The following CLSTN1 variants were observed in gnomAD, a reference collection of about 807,000 sequenced individuals.
CLSTN1 encodes calsyntenin-1.
In CLSTN1, 28 loss-of-function variants were observed where a neutral mutation model predicts 108.3. That is an observed-to-expected ratio of 0.26 (90% confidence interval 0.19 to 0.35). The LOEUF is 0.35. Ranked by LOEUF, CLSTN1 falls within the 10% of genes least tolerant of loss-of-function variation. The pLI, the probability that CLSTN1 is intolerant of heterozygous loss-of-function variation, is 1.00. For synonymous variants in CLSTN1, 524 were observed against 534.9 expected (o/e 0.98, Z 0.28); for missense variants, 1,157 against 1,302.6 (o/e 0.89, Z 1.72).
intron 1 of CLSTN1, among the ~76,000 whole-genome samples, chr1:9,813,281 T>G (rs1352218890): frequency 6.6e-6 from 1 of 151,954 alleles, no homozygotes; most frequent in Non-Finnish European, 1.5e-5. Context: ...GTGAACTGCC[T>G]GAGCTCAGGA....
intron 7 of CLSTN1, among the ~76,000 whole-genome samples, chr1:9,748,181 T>C (rs1651373500): frequency 6.6e-6 from 1 of 152,174 alleles, no homozygotes. Context: ...CCCTTCCAAT[T>C]TATGAAGACG....
In CLSTN1 at chr1:9,792,770, C is replaced by G. The variant is rs115241335; in HGVS notation, c.92-19376G>C. ...CCCAAGGAGCTTTGGGGTCTTGGACCAAGGTGGATGGGTGCAGGGGTGGGG... is the reference window on the plus strand; with the variant it reads ...CCCAAGGAGCTTTGGGGTCTTGGACGAAGGTGGATGGGTGCAGGGGTGGGG... On this transcript the variant is annotated intron_variant, in intron 1 of 18. Transcript: ENST00000377298. 6.2e-3 allele frequency among the ~76,000 whole-genome samples: 931 copies of G among 151,284 alleles called. 20 individuals carry two copies. Among genetic ancestry groups the G allele is most frequent in the African/African-American group, 0.022 (900 of 41,468 alleles).
At chr1:9,788,248 C>G (rs777005803) in intron 1 of CLSTN1, among the ~76,000 whole-genome samples, 20 of 150,310 alleles carry the variant, frequency 1.3e-4, no homozygotes, top group Non-Finnish European at 3.0e-4. Flanking sequence ...AGAGTGAGAC[C>G]CTGTCTCAAA....
intron 1 of CLSTN1, among the ~76,000 whole-genome samples, chr1:9,811,237 T>TA (rs2101319312): frequency 6.6e-6 from 1 of 152,308 alleles, no homozygotes; most frequent in South Asian, 2.1e-4. Flanking sequence ...CAGTGGTACT[T>TA]ACTCCAATTT....
intron 1 of CLSTN1, among the ~76,000 whole-genome samples, chr1:9,785,744 C>T (rs1339598547): frequency 6.6e-6 from 1 of 152,036 alleles, no homozygotes; most frequent in Non-Finnish European, 1.5e-5. Context: ...ATCACTTGTA[C>T]ACTTTAAAAG....
chr1:9,821,396 G>C (rs903673451), intron 1 of CLSTN1, among the ~76,000 whole-genome samples: 2 of 152,230 alleles, frequency 1.3e-5, no homozygotes, highest in Admixed American at 1.3e-4. Context: ...GCCTCCCAAA[G>C]TGCTGGGATT....
chr1:9,797,958 G>A (rs2101255702), intron 1 of CLSTN1, among the ~76,000 whole-genome samples: 1 of 151,938 alleles, frequency 6.6e-6, no homozygotes, highest in Admixed American at 6.6e-5. Flanking sequence ...GCCAGGCGTG[G>A]GGGTACATGC....
chr1:9,779,637 C>T (rs558209269), intron 1 of CLSTN1, among the ~76,000 whole-genome samples: 2 of 152,178 alleles, frequency 1.3e-5, no homozygotes, highest in Admixed American at 1.3e-4. Flanking sequence ...ATGTTGCCCA[C>T]GCTGGTGTCA....
rs1486585047 is a variant in CLSTN1 at position 9,749,651 on chromosome 1, G to A, written c.800-5C>T. 2 of 1,613,340 alleles carry A rather than the reference G, an allele frequency of 1.2e-6. No individual in the cohort carries two copies. The highest frequency in any genetic ancestry group is 2.2e-5 in the East Asian group (1 of 44,896). On this transcript the variant is annotated splice_region_variant and splice_polypyrimidine_tract_variant and intron_variant, in intron 6 of 18. Coordinates refer to ENST00000377298, the MANE Select transcript of CLSTN1 (RefSeq NM_001009566.3). ...ACTCAATCCTGTTGTTCCATCCTGT[G>A]TTGGTCCACAAGTCAGCAGGGGAAG...
chr1:9,799,911 A>AG (rs1427388237), intron 1 of CLSTN1, among the ~76,000 whole-genome samples: 1 of 152,218 alleles, frequency 6.6e-6, no homozygotes, highest in Non-Finnish European at 1.5e-5. Context: ...ACTGCACTCT[A>AG]GCCTGGGTGA....
At chr1:9,808,366 C>T (rs1308594789) in intron 1 of CLSTN1, among the ~76,000 whole-genome samples, 1 of 152,192 alleles carries the variant, frequency 6.6e-6, no homozygotes, top group Admixed American at 6.5e-5. Flanking sequence ...GAATTTACTG[C>T]CAATCTACCC....
Position 9,756,513 on chromosome 1 carries a change from A to G in CLSTN1, c.215-3T>C. ...GGTGACTGTCACCTCAAAACTCTCT[A>G]AAGGGAGAAAAGATAAGCCCATGTC... On this transcript the variant is annotated splice_polypyrimidine_tract_variant and splice_region_variant and intron_variant, in intron 2 of 18. Coordinates refer to ENST00000377298, the MANE Select transcript of CLSTN1 (RefSeq NM_001009566.3). 6.2e-7 allele frequency: 1 copy of G among 1,612,082 alleles called. No homozygotes were observed. The highest frequency in any genetic ancestry group is 1.1e-5 in the South Asian group (1 of 91,016).
intron 1 of CLSTN1, among the ~76,000 whole-genome samples, chr1:9,818,421 C>A (rs886330759): frequency 6.6e-6 from 1 of 151,218 alleles, no homozygotes; most frequent in Non-Finnish European, 1.5e-5. Context: ...CTCCGCCTCC[C>A]GAGTTCAAGC....
In CLSTN1 at chr1:9,730,611, G is replaced by A. The variant is rs748076549; in HGVS notation, c.2843C>T (p.Ala948Val). The A allele has an allele frequency of 1.2e-6, 2 of 1,610,204 alleles. No homozygotes were observed. The highest frequency in any genetic ancestry group is 1.7e-6 in the Non-Finnish European group (2 of 1,179,890). The change falls in exon 19 of 19, where the codon GCC (alanine) becomes GTC (valine). Residue 948 changes from alanine (A) to valine (V), a missense_variant. Transcript: ENST00000377298. The surrounding 1 kb of genome is among the most constrained non-coding windows in gnomAD (Gnocchi z 5.6). The part of the protein sequence containing the change: ...DGEEEDDITS[A>V]ESESSEEEEG... ...CTCCTCCTCGCTGCTCTCCGACTCG[G>A]CGCTGGTGATGTCATCCTCTTCTTC...
intron 1 of CLSTN1, among the ~76,000 whole-genome samples, chr1:9,777,901 C>T (rs1653034659): frequency 6.6e-6 from 1 of 152,100 alleles, no homozygotes; most frequent in African/African-American, 2.4e-5. Flanking sequence ...GTATCTCACT[C>T]GGGCTCTGTT....
chr1:9,780,903 G>T (rs772884495), intron 1 of CLSTN1: 3 of 352,750 alleles, frequency 8.5e-6, no homozygotes, highest in Non-Finnish European at 1.5e-5. Flanking sequence ...CCATGGACAG[G>T]ATGCTGAATA....
At chr1:9,781,097 T>C (rs1429677168) in intron 1 of CLSTN1, 1 of 694,018 alleles carries the variant, frequency 1.4e-6, no homozygotes. Flanking sequence ...TTCAAGAATT[T>C]AGAATGCTGG....
At chr1:9,778,345 C>T (rs1474102379) in intron 1 of CLSTN1, among the ~76,000 whole-genome samples, 1 of 151,864 alleles carries the variant, frequency 6.6e-6, no homozygotes, top group African/African-American at 2.4e-5. Flanking sequence ...CATGCAGGAA[C>T]TATTTGGGAA....
chr1:9,800,524 C>T (rs932835958), intron 1 of CLSTN1, among the ~76,000 whole-genome samples: 12 of 145,800 alleles, frequency 8.2e-5, no homozygotes, highest in Non-Finnish European at 1.6e-4. Flanking sequence ...TCAAGACCAT[C>T]CTGGCTAATA....
Sources: gnomAD v4.1 joint callset for allele counts (sites outside exome capture counted in the v4.1 genomes callset) on GRCh38, gnomAD v4.1.1 for gene constraint, Gnocchi (gnomAD v3.1) non-coding constraint, MANE v1.5 for transcripts, NCBI Gene and HGNC (gene_info 2026-07-23, HGNC 2026-07-21) for gene names.